MAP4K5: variants seen among roughly 807,000 people sequenced by gnomAD.
The protein encoded by MAP4K5 is mitogen-activated protein kinase kinase kinase kinase 5.
In MAP4K5, 82 loss-of-function variants were observed where a neutral mutation model predicts 135.6. The ratio of observed to expected loss-of-function variants is 0.60; its 90% CI spans 0.51 to 0.73. MAP4K5 has a LOEUF of 0.73. Ranked by LOEUF, MAP4K5 falls within the 30% of genes least tolerant of loss-of-function variation. The pLI, the probability that MAP4K5 is intolerant of heterozygous loss-of-function variation, is 0.00. For missense variants in MAP4K5, 907 were observed against 1,010.9 expected (o/e 0.90, Z 1.39); for synonymous variants, 347 against 335.0 (o/e 1.04, Z -0.39).
chr14:50,560,380 G>A (rs2038822277), intron 1 of MAP4K5: 2 of 1,541,910 alleles, frequency 1.3e-6, no homozygotes. Flanking sequence ...GACAGGGAGG[G>A]CCAAGGGCTG....
At chr14:50,480,648 A>G (rs576551764) in intron 6 of MAP4K5, among the ~76,000 whole-genome samples, 10 of 152,286 alleles carry the variant, frequency 6.6e-5, no homozygotes, top group African/African-American at 2.4e-4. Context: ...TTATAAACTC[A>G]TGCTCACATA....
intron 1 of MAP4K5, among the ~76,000 whole-genome samples, chr14:50,550,047 A>G (rs2140158475): frequency 6.6e-6 from 1 of 152,312 alleles, no homozygotes; most frequent in South Asian, 2.1e-4. Flanking sequence ...TTCAGGTTTT[A>G]TGATGCTGGA....
chr14:50,506,575 C>G (rs555401332), intron 2 of MAP4K5, among the ~76,000 whole-genome samples: 22 of 152,122 alleles, frequency 1.4e-4, no homozygotes, highest in Non-Finnish European at 3.1e-4. Context: ...CCAGGCCGGT[C>G]TCAAACTCCT....
At chr14:50,436,301 A>G (rs2036091072) in intron 26 of MAP4K5, among the ~76,000 whole-genome samples, 1 of 152,108 alleles carries the variant, frequency 6.6e-6, no homozygotes, top group African/African-American at 2.4e-5. Flanking sequence ...TGCTTCTGGG[A>G]GGTAATTGCT....
At chr14:50,552,784 ATGG>A (rs2038718951) in intron 1 of MAP4K5, among the ~76,000 whole-genome samples, 2 of 152,202 alleles carry the variant, frequency 1.3e-5, no homozygotes, top group African/African-American at 4.8e-5. Context: ...TATTCAATAA[ATGG>A]TGCTGGGATA....
intron 6 of MAP4K5, among the ~76,000 whole-genome samples, chr14:50,480,669 T>G (rs2037219195): frequency 1.3e-5 from 2 of 152,190 alleles, no homozygotes; most frequent in South Asian, 2.1e-4. Context: ...ACAATAGGGA[T>G]GCATACATTC....
chr14:50,472,952 G>C (rs1317709172), intron 9 of MAP4K5, among the ~76,000 whole-genome samples: 1 of 152,126 alleles, frequency 6.6e-6, no homozygotes, highest in Non-Finnish European at 1.5e-5. Context: ...GTGTTTATCA[G>C]TGGCTCATTC....
At chr14:50,437,807 A>T in intron 25 of MAP4K5, 87 bp downstream of exon 25, 1 of 885,974 alleles carries the variant, frequency 1.1e-6, no homozygotes, top group Non-Finnish European at 1.8e-6. Flanking sequence ...ATTAAGACAT[A>T]GTTTTTTACT....
intron 13 of MAP4K5, among the ~76,000 whole-genome samples, chr14:50,461,336 T>C (rs2036706646): frequency 1.3e-5 from 2 of 151,998 alleles, no homozygotes; most frequent in Non-Finnish European, 2.9e-5. Context: ...GCACACAGTA[T>C]GATATTTATA....
At chr14:50,512,027 T>A (rs558496799) in intron 2 of MAP4K5, among the ~76,000 whole-genome samples, 25 of 152,260 alleles carry the variant, frequency 1.6e-4, no homozygotes, top group African/African-American at 5.8e-4. Context: ...AAAATGTGAA[T>A]CTTTAGGTAA....
intron 2 of MAP4K5, among the ~76,000 whole-genome samples, chr14:50,520,136 G>A (rs1046244631): frequency 5.3e-5 from 8 of 152,114 alleles, no homozygotes; most frequent in Admixed American, 3.3e-4. Flanking sequence ...AGGCCGAGGC[G>A]GGTGGATCAC....
chr14:50,423,451 C>T (rs981754202), intron 31 of MAP4K5, among the ~76,000 whole-genome samples: 3 of 151,298 alleles, frequency 2.0e-5, no homozygotes, highest in Admixed American at 2.0e-4. Context: ...AACTAAGACT[C>T]CAAGAGGTTA....
At chr14:50,548,777 T>C (rs1220246293) in intron 1 of MAP4K5, among the ~76,000 whole-genome samples, 1 of 152,136 alleles carries the variant, frequency 6.6e-6, no homozygotes, top group Non-Finnish European at 1.5e-5. Context: ...CCCAAAGTAC[T>C]GGGATTACAG....
At chr14:50,548,626 C>G (rs1318962881) in intron 1 of MAP4K5, among the ~76,000 whole-genome samples, 1 of 152,176 alleles carries the variant, frequency 6.6e-6, no homozygotes, top group Non-Finnish European at 1.5e-5. Context: ...TCTCCTGCCT[C>G]AGCCTCCCCA....
rs746155099 is a variant in MAP4K5 at position 50,419,115 on chromosome 14, C to G, written c.*904G>C. 1.3e-5 allele frequency: 2 copies of G among 152,072 alleles called. No homozygotes were observed. Among genetic ancestry groups the G allele is most frequent in the East Asian group, 3.9e-4 (2 of 5,192 alleles). The allele number at this position is 152,072 out of a possible 1,614,324, so 9.4% of individuals were successfully genotyped here. On this transcript the variant is annotated 3_prime_UTR_variant, in exon 33 of 33. Transcript: ENST00000682126. Reference sequence around the variant, plus strand: ...ATCATGGGCAATTAAATACTTCCCCCTGCTACATTAGGGATGATAATATAT... The same window carrying G: ...ATCATGGGCAATTAAATACTTCCCCGTGCTACATTAGGGATGATAATATAT...
At chr14:50,484,268 G>A (rs1318622582) in intron 5 of MAP4K5, among the ~76,000 whole-genome samples, 1 of 152,110 alleles carries the variant, frequency 6.6e-6, no homozygotes, top group Non-Finnish European at 1.5e-5. Flanking sequence ...AAACATTTTT[G>A]TTAATAAAGA....
intron 1 of MAP4K5, among the ~76,000 whole-genome samples, chr14:50,546,216 C>T (rs1169937053): frequency 6.6e-6 from 1 of 152,132 alleles, no homozygotes; most frequent in African/African-American, 2.4e-5. Flanking sequence ...TGTCCACAGC[C>T]TTCACTGGAT....
intron 2 of MAP4K5, among the ~76,000 whole-genome samples, chr14:50,510,259 T>C (rs926012814): frequency 2.6e-5 from 4 of 152,218 alleles, no homozygotes; most frequent in African/African-American, 9.6e-5. Flanking sequence ...ATTCTGATTT[T>C]AGTCAGATTA....
chr14:50,541,975 C>G, intron 2 of MAP4K5, among the ~76,000 whole-genome samples: 1 of 125,112 alleles, frequency 8.0e-6, no homozygotes. Context: ...CCACTGCACT[C>G]CAGCCTGGGC....
Sources: gnomAD v4.1 joint callset for allele counts (sites outside exome capture counted in the v4.1 genomes callset) on GRCh38, gnomAD v4.1.1 for gene constraint, MANE v1.5 for transcripts, NCBI Gene and HGNC (gene_info 2026-07-23, HGNC 2026-07-21) for gene names.